Variants in SCGB1D2 observed in about 807,000 individuals in gnomAD.
SCGB1D2 encodes the protein secretoglobin family 1D member 2.
Under a neutral mutation model 10.5 loss-of-function variants are expected in SCGB1D2, and 10 were observed. That is an observed-to-expected ratio of 0.95 (90% CI 0.59 to 1.61). SCGB1D2 has a LOEUF of 1.61. Ranked by LOEUF, SCGB1D2 falls within the 40% of genes most tolerant of loss-of-function variation. The pLI is 0.00. For missense variants in SCGB1D2, 113 were observed against 103.8 expected (o/e 1.09, Z -0.38); for synonymous variants, 42 against 42.8 (o/e 0.98, Z 0.08).
At chr11:62,243,703 C>G (rs1945084674) in intron 2 of SCGB1D2, among the ~76,000 whole-genome samples, 1 of 152,186 alleles carries the variant, frequency 6.6e-6, no homozygotes, top group Non-Finnish European at 1.5e-5. Context: ...TGTCACCTGC[C>G]TGGATGCCAT....
intron 2 of SCGB1D2, among the ~76,000 whole-genome samples, chr11:62,244,387 C>T (rs1202027701): frequency 6.6e-6 from 1 of 152,178 alleles, no homozygotes; most frequent in Non-Finnish European, 1.5e-5. Context: ...GCAATAACCT[C>T]TTGCTGCTCT....
chr11:62,243,956 C>A (rs1158792398), intron 2 of SCGB1D2, among the ~76,000 whole-genome samples: 3 of 152,116 alleles, frequency 2.0e-5, no homozygotes, highest in African/African-American at 7.2e-5. Flanking sequence ...GACTTCTCTG[C>A]AGCTTCTGCA....
rs376107340 is a variant in SCGB1D2 at position 62,242,371 on chromosome 11, A to G, written c.55+9A>G. The G allele has an allele frequency of 3.1e-6, 5 of 1,613,698 alleles. No individual in the cohort carries two copies. In the African/African-American group the frequency reaches 5.3e-5, roughly 17 times the overall value. On this transcript the variant is annotated intron_variant, in intron 1 of 2. Transcript: ENST00000244926. Reference sequence around the variant, plus strand: ...CCTCTGCTGCTACCAGGGTGAGTACATCAGTCATGAGTCTAGCTCCAGCCC... The same window carrying G: ...CCTCTGCTGCTACCAGGGTGAGTACGTCAGTCATGAGTCTAGCTCCAGCCC...
chr11:62,242,257 C>T lies in SCGB1D2; in HGVS notation c.-51C>T, dbSNP rs777882485. The T allele has an allele frequency of 1.9e-5, 30 of 1,603,560 alleles. No individual in the cohort carries two copies. The highest frequency in any genetic ancestry group is 2.6e-6 in the Non-Finnish European group (3 of 1,171,038). On this transcript the variant is annotated 5_prime_UTR_variant, in exon 1 of 3. Coordinates refer to ENST00000244926, the MANE Select transcript of SCGB1D2 (RefSeq NM_006551.4). ...GCTCCACAGGCTCCTGGGGTGGAGT[C>T]CAAATCACTCATTGTTTGTGAAAGC...
chr11:62,243,348 G>GA lies in SCGB1D2; in HGVS notation c.117dup (p.Pro40ThrfsTer11). On this transcript the variant is annotated frameshift_variant, in exon 2 of 3. Coordinates refer to ENST00000244926, the MANE Select transcript of SCGB1D2 (RefSeq NM_006551.4). LOFTEE classifies it high-confidence loss of function. ...GCTGTTAGACTTCTTCTTCATTAGT[G>GA]AACCTCTGTTCAAGTTAAGTCTTGC... The GA allele has an allele frequency of 3.1e-6, 5 of 1,613,998 alleles. No individual in the cohort carries two copies. The highest frequency in any genetic ancestry group is 4.2e-6 in the Non-Finnish European group (5 of 1,179,888).
Position 62,244,670 on chromosome 11 carries a change from G to C in SCGB1D2, c.244G>C (p.Val82Leu), listed in dbSNP as rs569221586. The change falls in exon 3 of 3, where the codon GTG (valine) becomes CTG (leucine). Residue 82 changes from valine (V) to leucine (L), a missense_variant and splice_region_variant. Coordinates refer to ENST00000244926, the MANE Select transcript of SCGB1D2 (RefSeq NM_006551.4). ...QKRSLIAEVL[V>L]KILKKCSV ...CTTCTTTTTTCTTTTCCTATTTTAG[G>C]TGAAAATATTGAAGAAATGTAGTGT... is the stretch of plus-strand genomic sequence containing the variant. The C allele has an allele frequency of 1.9e-6, 3 of 1,612,612 alleles. No homozygotes were observed. The highest frequency in any genetic ancestry group is 3.3e-5 in the Admixed American group (2 of 59,856).
rs146732998 is a variant in SCGB1D2, at chr11:62,243,385, C to T, written c.152C>T (p.Ala51Val). The T allele has an allele frequency of 5.6e-6, 9 of 1,613,766 alleles. No individual in the cohort carries two copies. In the African/African-American group the frequency reaches 9.3e-5, roughly 17 times the overall value. Residue 51 changes from alanine to valine, a missense_variant, in exon 2 of 3, where the codon GCC becomes GTC. Ala to Val is a moderately conservative substitution (Grantham distance 64). Coordinates refer to ENST00000244926, the MANE Select transcript of SCGB1D2 (RefSeq NM_006551.4). ...AAGTTAAGTCTTGCCAAATTTGATG[C>T]CCCTCCGGAAGCTGTTGCAGCCAAG... is the stretch of plus-strand genomic sequence containing the variant. ...LFKLSLAKFD[A>V]PPEAVAAKLG...
intron 1 of SCGB1D2, 93 bp from the exon 2 acceptor site, chr11:62,243,196 A>G: frequency 1.0e-6 from 1 of 983,812 alleles, no homozygotes; most frequent in South Asian, 1.6e-5. Context: ...GTGAACATAT[A>G]ACCCAGGGGA....
At chr11:62,244,066 G>A (rs1365280183) in intron 2 of SCGB1D2, among the ~76,000 whole-genome samples, 1 of 152,140 alleles carries the variant, frequency 6.6e-6, no homozygotes, top group Non-Finnish European at 1.5e-5. Flanking sequence ...ACCCTAGCTA[G>A]TCTACCTCCT....
chr11:62,242,871 T>C (rs1945075097), intron 1 of SCGB1D2, among the ~76,000 whole-genome samples: 1 of 152,222 alleles, frequency 6.6e-6, no homozygotes, highest in African/African-American at 2.4e-5. Context: ...GTGAATTGCT[T>C]GAGCTCAGGA....
chr11:62,242,340 G>A lies in SCGB1D2; in HGVS notation c.33G>A (p.Thr11=), dbSNP rs370395063. Residue 11 remains threonine, a synonymous_variant, in exon 1 of 3, where the codon ACG becomes ACA. Coordinates refer to ENST00000244926, the MANE Select transcript of SCGB1D2 (RefSeq NM_006551.4). The part of the protein sequence containing the change: MKLSVCLLLV[T]LALCCYQANA... ...TGTCGGTGTGTCTCCTGCTGGTCAC[G>A]CTGGCCCTCTGCTGCTACCAGGGTG... 65 of 1,613,992 alleles carry A rather than the reference G, an allele frequency of 4.0e-5. No individual in the cohort carries two copies. In the South Asian group the frequency reaches 5.9e-4, roughly 15 times the overall value.
At position 62,244,800 on chromosome 11, in the gene SCGB1D2, T is replaced by C; in HGVS notation, c.*101T>C. ...CAACGTCTTGCTTTAATAAATCACT[T>C]GCTCTCCACGTCTCCACTGGTCTTG... On this transcript the variant is annotated 3_prime_UTR_variant, in exon 3 of 3. Coordinates refer to ENST00000244926, the MANE Select transcript of SCGB1D2 (RefSeq NM_006551.4). 1.9e-6 allele frequency: 2 copies of C among 1,032,426 alleles called. No homozygotes were observed. The highest frequency in any genetic ancestry group is 3.0e-6 in the Non-Finnish European group (2 of 666,074). The allele number at this position is 1,032,426 out of a possible 1,614,324, so 64.0% of individuals were successfully genotyped here. A position where few individuals can be genotyped will look rare whatever the true frequency, so the allele number is the denominator to read the frequency against.
chr11:62,242,390 C>T, intron 1 of SCGB1D2, 28 bp downstream of exon 1: 3 of 1,612,640 alleles, frequency 1.9e-6, no homozygotes, highest in Non-Finnish European at 2.5e-6. Flanking sequence ...GAGTCTAGCT[C>T]CAGCCCCTGG....
At chr11:62,244,535 T>C in intron 2 of SCGB1D2, 135 bp from the exon 3 acceptor site, 2 of 748,172 alleles carry the variant, frequency 2.7e-6, no homozygotes, top group South Asian at 3.5e-5. Context: ...GGCCTCAGTT[T>C]CCCAAACTGA....
chr11:62,242,428 A>G (rs1945070465), intron 1 of SCGB1D2, 66 bp downstream of exon 1: 5 of 1,542,254 alleles, frequency 3.2e-6, no homozygotes, highest in African/African-American at 1.4e-5. Flanking sequence ...GCACGAGGTC[A>G]CCTATTCAGG....
chr11:62,244,130 G>A (rs573156955), intron 2 of SCGB1D2, among the ~76,000 whole-genome samples: 5 of 152,278 alleles, frequency 3.3e-5, no homozygotes, highest in Non-Finnish European at 5.9e-5. Context: ...GAAATCAGAG[G>A]TTTTCCAGGG....
intron 2 of SCGB1D2, among the ~76,000 whole-genome samples, chr11:62,244,049 G>A (rs1311618389): frequency 2.6e-5 from 4 of 152,084 alleles, no homozygotes; most frequent in Non-Finnish European, 4.4e-5. Context: ...ATGGCCAGTC[G>A]TCCAAGACCC....
At chr11:62,244,579 G>C (rs2232953) in intron 2 of SCGB1D2, 91 bp from the exon 3 acceptor site, 1 of 1,196,484 alleles carries the variant, frequency 8.4e-7, no homozygotes, top group Non-Finnish European at 1.2e-6. Context: ...TGCCTTTGGG[G>C]GCAGAATCCC....
At position 62,242,291 on chromosome 11, in the gene SCGB1D2, C is replaced by T. The variant is rs1212518727; in HGVS notation, c.-17C>T. On this transcript the variant is annotated 5_prime_UTR_variant, in exon 1 of 3. Transcript: ENST00000244926. ...TCATTGTTTGTGAAAGCTGAGCTCA[C>T]AGCAAAACAAGCCACCATGAAGCTG... 1.2e-6 allele frequency: 2 copies of T among 1,613,766 alleles called. No homozygotes were observed. Among genetic ancestry groups the T allele is most frequent in the East Asian group, 2.2e-5 (1 of 44,886 alleles).
Sources: allele counts gnomAD v4.1 joint callset (sites outside exome capture counted in the v4.1 genomes callset), GRCh38; gene constraint gnomAD v4.1.1; transcripts MANE v1.5; gene names NCBI Gene and HGNC (gene_info 2026-07-23, HGNC 2026-07-21).